RBFOX1: variants seen among roughly 807,000 people sequenced by gnomAD.
The protein encoded by RBFOX1 is RNA binding protein fox-1 homolog 1.
RBFOX1 carries 8 observed loss-of-function variants against 57.7 expected under a neutral mutation model. That is an observed-to-expected ratio of 0.14 (90% CI 0.08 to 0.25). The LOEUF is 0.25. Ranked by LOEUF, RBFOX1 falls within the 10% of genes least tolerant of loss-of-function variation. The probability of loss-of-function intolerance (pLI) is 1.00; values close to 1 mark genes in which losing one functional copy is unlikely to be tolerated. For missense variants in RBFOX1, 611 were observed against 548.5 expected, an observed-to-expected ratio of 1.11 and a Z score of -1.14; for synonymous variants, 326 against 222.4, an observed-to-expected ratio of 1.47 and a Z score of -4.15.
intron 3 of RBFOX1, among the ~76,000 whole-genome samples, chr16:6,967,549 T>C (rs1215124949): frequency 1.3e-5 from 2 of 152,056 alleles, no homozygotes; most frequent in Admixed American, 1.3e-4. Flanking sequence ...CTGACTTGCT[T>C]ATGTGTTTCT....
intron 4 of RBFOX1, among the ~76,000 whole-genome samples, chr16:5,978,687 T>TTTTTTTTTTTTG (rs1555461026): frequency 1.3e-5 from 2 of 150,086 alleles, no homozygotes; most frequent in Non-Finnish European, 1.5e-5. Context: ...TGTTTTTTTT[T>TTTTTTTTTTTTG]TTGTTGTTGT....
chr16:7,426,122 C>G (rs1010879774), intron 4 of RBFOX1, among the ~76,000 whole-genome samples: 1 of 152,220 alleles, frequency 6.6e-6, no homozygotes, highest in Non-Finnish European at 1.5e-5. Flanking sequence ...AAAAAGCCAG[C>G]GTGCAGGCTC....
chr16:6,890,822 A>G (rs569317487), intron 3 of RBFOX1, among the ~76,000 whole-genome samples: 3 of 152,304 alleles, frequency 2.0e-5, no homozygotes, highest in East Asian at 1.9e-4. Context: ...AACTGGAACC[A>G]TTTGTGTAGG....
At chr16:5,917,031 C>A (rs1482372616) in intron 4 of RBFOX1, among the ~76,000 whole-genome samples, 2 of 152,148 alleles carry the variant, frequency 1.3e-5, no homozygotes, top group Non-Finnish European at 2.9e-5. Context: ...AGAAGGGCTT[C>A]CACTGAGTCG....
chr16:5,540,434 T>C (rs2044883907), intron 2 of RBFOX1, among the ~76,000 whole-genome samples: 1 of 152,222 alleles, frequency 6.6e-6, no homozygotes. Context: ...TGGTCTGATA[T>C]ATGGCACACC....
intron 3 of RBFOX1, among the ~76,000 whole-genome samples, chr16:6,680,409 C>A (rs1257321420): frequency 6.6e-6 from 1 of 151,614 alleles, no homozygotes; most frequent in Non-Finnish European, 1.5e-5. Context: ...ACTACAGGCA[C>A]CTGCCACCAC....
Position 7,308,140 on chromosome 16 carries a change from G to T in RBFOX1, c.28-210007G>T, listed in dbSNP as rs377376374. Among the ~76,000 whole-genome samples the T allele has an allele frequency of 3.9e-5, 6 of 152,232 alleles. No homozygotes were observed. In the East Asian group the frequency reaches 7.7e-4, roughly 20 times the overall value. On this transcript the variant is annotated intron_variant, in intron 4 of 15. Transcript: ENST00000550418. Reference sequence around the variant, plus strand: ...CACACACACATGCATGGACACACAGGACACAGAAATCTAGAGATGGTTTAT... The same window carrying T: ...CACACACACATGCATGGACACACAGTACACAGAAATCTAGAGATGGTTTAT...
chr16:7,697,552 TAAAC>T (rs1334842384), intron 14 of RBFOX1, among the ~76,000 whole-genome samples: 2 of 152,174 alleles, frequency 1.3e-5, no homozygotes, highest in East Asian at 1.9e-4. Flanking sequence ...ATATGTATGA[TAAAC>T]TATATATGCA....
chr16:7,063,979 G>A (rs1484537949), intron 4 of RBFOX1, among the ~76,000 whole-genome samples: 1 of 152,060 alleles, frequency 6.6e-6, no homozygotes, highest in Non-Finnish European at 1.5e-5. Context: ...GGATATGGAG[G>A]AACAACTATA....
At chr16:6,340,445 A>G (rs1265285319) in intron 2 of RBFOX1, among the ~76,000 whole-genome samples, 3 of 152,224 alleles carry the variant, frequency 2.0e-5, no homozygotes, top group African/African-American at 7.2e-5. Flanking sequence ...GAATAAAGGA[A>G]TGGCTACCTC....
chr16:7,185,998 A>G (rs1229266042), intron 4 of RBFOX1, among the ~76,000 whole-genome samples: 5 of 152,260 alleles, frequency 3.3e-5, no homozygotes, highest in African/African-American at 1.2e-4. Context: ...GGCGCACTTT[A>G]GTATAGATCA....
intron 4 of RBFOX1, among the ~76,000 whole-genome samples, chr16:7,229,731 A>G: frequency 3.5e-5 from 4 of 113,286 alleles, no homozygotes; most frequent in Non-Finnish European, 7.4e-5. Flanking sequence ...GAAGCAAGGG[A>G]GGGAGGGGGA....
chr16:6,007,357 G>A (rs953239751), intron 4 of RBFOX1, among the ~76,000 whole-genome samples: 4 of 152,142 alleles, frequency 2.6e-5, no homozygotes, highest in African/African-American at 9.7e-5. Context: ...ACATGACAAG[G>A]CACTGAGGGT....
chr16:6,797,389 A>G (rs888068730), intron 3 of RBFOX1, among the ~76,000 whole-genome samples: 9 of 150,886 alleles, frequency 6.0e-5, no homozygotes, highest in Non-Finnish European at 8.8e-5. Context: ...GGTGGTCGAA[A>G]GAGAGAGCGA....
At chr16:5,726,083 AT>A (rs199696151) in intron 3 of RBFOX1, among the ~76,000 whole-genome samples, 18 of 145,356 alleles carry the variant, frequency 1.2e-4, no homozygotes, top group African/African-American at 5.0e-4. Context: ...TTTTATTATT[AT>A]TTTTTTTAAT....
intron 11 of RBFOX1, among the ~76,000 whole-genome samples, chr16:7,634,446 T>C (rs1401726748): frequency 6.6e-6 from 1 of 152,080 alleles, no homozygotes; most frequent in East Asian, 1.9e-4. Flanking sequence ...TAATCATCTG[T>C]AAATAACATC....
At chr16:6,776,958 G>T (rs1474482984) in intron 3 of RBFOX1, among the ~76,000 whole-genome samples, 1 of 152,166 alleles carries the variant, frequency 6.6e-6, no homozygotes, top group Non-Finnish European at 1.5e-5. Context: ...TTATCTGAGA[G>T]GTTGAAATTT....
intron 4 of RBFOX1, among the ~76,000 whole-genome samples, chr16:7,197,208 C>A (rs1490686468): frequency 6.6e-6 from 1 of 152,160 alleles, no homozygotes; most frequent in Non-Finnish European, 1.5e-5. Context: ...CTCTTCCAAG[C>A]CTCCTTCATA....
chr16:7,330,985 G>A (rs370402954), intron 4 of RBFOX1, among the ~76,000 whole-genome samples: 1 of 152,116 alleles, frequency 6.6e-6, no homozygotes. Flanking sequence ...GGGTCAGTGC[G>A]CAGCTGTTAT....
Sources: gnomAD v4.1 joint callset for allele counts (sites outside exome capture counted in the v4.1 genomes callset) on GRCh38, gnomAD v4.1.1 for gene constraint, MANE v1.5 for transcripts, NCBI Gene and HGNC (gene_info 2026-07-23, HGNC 2026-07-21) for gene names.